HDLBP: variants seen among roughly 807,000 people sequenced by gnomAD.
HDLBP encodes the protein vigilin.
HDLBP carries 30 observed loss-of-function variants against 137.3 expected under a neutral mutation model. The ratio of observed to expected loss-of-function variants is 0.22; its 90% confidence interval spans 0.16 to 0.30. HDLBP has a LOEUF of 0.30. HDLBP is among the 10% of genes least tolerant of loss of function. HDLBP has a pLI of 1.00. For synonymous variants in HDLBP, 606 were observed against 596.0 expected (o/e 1.02, Z -0.24); for missense variants, 1,119 against 1,667.3 (o/e 0.67, Z 5.73).
chr2:241,313,201 T>C (rs1042824977), intron 1 of HDLBP, among the ~76,000 whole-genome samples: 1 of 152,192 alleles, frequency 6.6e-6, no homozygotes, highest in African/African-American at 2.4e-5. Flanking sequence ...TATCACACCA[T>C]AATGTAATTA....
At chr2:241,279,010 G>GT (rs2074500115) in intron 1 of HDLBP, among the ~76,000 whole-genome samples, 1 of 151,978 alleles carries the variant, frequency 6.6e-6, no homozygotes, top group African/African-American at 2.4e-5. Flanking sequence ...GAGCAACAGC[G>GT]TGAGACTCTG....
chr2:241,294,464 A>AT (rs1411336454), intron 1 of HDLBP, among the ~76,000 whole-genome samples: 1 of 152,096 alleles, frequency 6.6e-6, no homozygotes, highest in African/African-American at 2.4e-5. Flanking sequence ...ATTTTATTTT[A>AT]TTATTTATTT....
chr2:241,273,279 T>A, intron 1 of HDLBP: 1 of 964,826 alleles, frequency 1.0e-6, no homozygotes, highest in Non-Finnish European at 1.2e-6. Flanking sequence ...CCCTCATTCC[T>A]GCGTGCCTAT....
chr2:241,303,502 G>T (rs1408885030), intron 1 of HDLBP, among the ~76,000 whole-genome samples: 1 of 152,206 alleles, frequency 6.6e-6, no homozygotes, highest in Non-Finnish European at 1.5e-5. Flanking sequence ...AGAACACTTG[G>T]CTGCCTCAAG....
At chr2:241,236,497 C>CT in intron 21 of HDLBP, 118 bp downstream of exon 21, 1 of 1,012,086 alleles carries the variant, frequency 9.9e-7, no homozygotes, top group Non-Finnish European at 1.5e-6. Flanking sequence ...AGCAAGAGGG[C>CT]TACCTCCACT....
intron 4 of HDLBP, 111 bp from the exon 5 acceptor site, chr2:241,263,037 T>C (rs1046262950): frequency 1.2e-6 from 1 of 810,258 alleles, no homozygotes; most frequent in Non-Finnish European, 2.0e-6. Flanking sequence ...AGCCCCACCC[T>C]GCCCACAGGC....
intron 1 of HDLBP, among the ~76,000 whole-genome samples, chr2:241,298,458 C>T (rs2075268543): frequency 6.6e-6 from 1 of 151,998 alleles, no homozygotes; most frequent in Non-Finnish European, 1.5e-5. Context: ...AGATGATGAA[C>T]ATCAAATAAA....
chr2:241,244,688 C>T (rs2071528414), intron 16 of HDLBP, among the ~76,000 whole-genome samples: 1 of 152,250 alleles, frequency 6.6e-6, no homozygotes, highest in East Asian at 1.9e-4. Context: ...TGGTTTCCTT[C>T]AGACAGAAGG....
Position 241,266,761 on chromosome 2 carries a change from A to G in HDLBP, c.76+33T>C, listed in dbSNP as rs148887989. 3.0e-6 allele frequency: 4 copies of G among 1,331,958 alleles called. No homozygotes were observed. In the Admixed American group the frequency reaches 6.7e-5, roughly 22 times the overall value. 82.5% of individuals were successfully genotyped at this position (1,331,958 alleles called of 1,614,324 possible). A position where few individuals can be genotyped will look rare whatever the true frequency, so the allele number is the denominator to read the frequency against. ...CTTTAGAGGGAGCAATGCCTTAGAC[A>G]TTACCAGGAAGAGCACATAAAAGGG... is the stretch of plus-strand genomic sequence containing the variant. On this transcript the variant is annotated intron_variant, in intron 3 of 27. Transcript: ENST00000310931.
At chr2:241,292,432 C>T (rs1190663624) in intron 1 of HDLBP, among the ~76,000 whole-genome samples, 1 of 152,136 alleles carries the variant, frequency 6.6e-6, no homozygotes, top group Non-Finnish European at 1.5e-5. Flanking sequence ...AGGCTTAAAC[C>T]AAATGCAATG....
chr2:241,300,355 C>A (rs1319893389), intron 1 of HDLBP, among the ~76,000 whole-genome samples: 3 of 152,104 alleles, frequency 2.0e-5, no homozygotes, highest in Non-Finnish European at 2.9e-5. Context: ...CGGAGTAACC[C>A]ACGACATGTA....
At chr2:241,273,855 T>G (rs2074289048) in intron 1 of HDLBP, among the ~76,000 whole-genome samples, 1 of 150,300 alleles carries the variant, frequency 6.7e-6, no homozygotes, top group Non-Finnish European at 1.5e-5. Context: ...CAGACGTGTT[T>G]TTTTTTTTTT....
intron 2 of HDLBP, 175 bp downstream of exon 2, chr2:241,268,302 G>C (rs1021142492): frequency 5.2e-6 from 1 of 192,402 alleles, no homozygotes; most frequent in Non-Finnish European, 9.5e-6. Context: ...CACGTCTATA[G>C]ATGGTTCCTG....
chr2:241,265,542 C>T (rs1326595817), intron 3 of HDLBP, among the ~76,000 whole-genome samples: 1 of 152,234 alleles, frequency 6.6e-6, no homozygotes, highest in Non-Finnish European at 1.5e-5. Flanking sequence ...TTCCATAGTG[C>T]CCTATTTGTT....
In HDLBP at chr2:241,272,979, T is replaced by C; in HGVS notation, c.-102-4438A>G. On this transcript the variant is annotated intron_variant, in intron 1 of 27. Coordinates refer to ENST00000310931, the MANE Select transcript of HDLBP (RefSeq NM_005336.6). This position sits in a 1 kb window ranked among gnomAD's most constrained non-coding sequence, Gnocchi z 5.6. ...AGGCCCACCCAACTGCAGGCGTGGT[T>C]CTGCATCCTTTTTTCGGGTGGGGAA... 2.0e-6 allele frequency: 2 copies of C among 977,906 alleles called. No individual in the cohort carries two copies. Among genetic ancestry groups the C allele is most frequent in the Non-Finnish European group, 2.4e-6 (2 of 822,942 alleles). The allele number at this position is 977,906 out of a possible 1,614,324, so 60.6% of individuals were successfully genotyped here. A position where few individuals can be genotyped will look rare whatever the true frequency, so the allele number is the denominator to read the frequency against.
intron 1 of HDLBP, among the ~76,000 whole-genome samples, chr2:241,313,270 C>T (rs552092583): frequency 1.4e-4 from 22 of 152,242 alleles, no homozygotes; most frequent in African/African-American, 5.3e-4. Context: ...AAAGAAAAGT[C>T]TATATCCTCT....
intron 1 of HDLBP, among the ~76,000 whole-genome samples, chr2:241,284,397 A>G (rs1048444605): frequency 3.9e-5 from 6 of 152,226 alleles, no homozygotes; most frequent in Non-Finnish European, 7.3e-5. Flanking sequence ...GTGGAGCCTG[A>G]AGATGGGACT....
In HDLBP at chr2:241,267,914, C is replaced by T. The variant is rs980358780; in HGVS notation, c.-38+563G>A. 25 of 985,264 alleles carry T rather than the reference C, an allele frequency of 2.5e-5. No individual in the cohort carries two copies. The East Asian group carries it at 3.4e-4, about 13-fold the overall frequency. The allele number at this position is 985,264 out of a possible 1,614,324, so 61.0% of individuals were successfully genotyped here. On this transcript the variant is annotated intron_variant, in intron 2 of 27. Coordinates refer to ENST00000310931, the MANE Select transcript of HDLBP (RefSeq NM_005336.6). Reference sequence around the variant, plus strand: ...ACAGTGCTCAGCGGGATATGGGCTCCGAAAGCCACAGCTCCCTTATGTGAA... The same window carrying T: ...ACAGTGCTCAGCGGGATATGGGCTCTGAAAGCCACAGCTCCCTTATGTGAA...
At chr2:241,300,947 ATACTATTATTATTAT>A (rs2075373506) in intron 1 of HDLBP, among the ~76,000 whole-genome samples, 1 of 138,680 alleles carries the variant, frequency 7.2e-6, no homozygotes, top group Non-Finnish European at 1.5e-5. Context: ...TCATGCACAC[ATACTATTATTATTAT>A]TATTATTATT....
Sources: gnomAD v4.1 joint callset for allele counts (sites outside exome capture counted in the v4.1 genomes callset) on GRCh38, gnomAD v4.1.1 for gene constraint, Gnocchi (gnomAD v3.1) non-coding constraint, MANE v1.5 for transcripts, NCBI Gene and HGNC (gene_info 2026-07-23, HGNC 2026-07-21) for gene names.